The following CADM2 variants were observed in gnomAD, a reference collection of about 807,000 sequenced individuals.
CADM2 encodes the protein immunoglobulin superfamily member 4D.
A neutral mutation model predicts 49.8 loss-of-function variants in CADM2; 12 were observed. The observed-to-expected ratio is 0.24, with a 90% CI of 0.15 to 0.39. The LOEUF (loss-of-function observed/expected upper bound fraction) is 0.39. Ranked by LOEUF, CADM2 falls within the 10% of genes least tolerant of loss-of-function variation. The probability of loss-of-function intolerance (pLI) is 1.00; values close to 1 mark genes in which losing one functional copy is unlikely to be tolerated. For missense variants in CADM2, 378 were observed against 492.3 expected, an observed-to-expected ratio of 0.77 and a Z score of 2.20; for synonymous variants, 214 against 175.4, an observed-to-expected ratio of 1.22 and a Z score of -1.74.
At chr3:85,297,243 T>C (rs1333403632) in intron 1 of CADM2, among the ~76,000 whole-genome samples, 1 of 152,190 alleles carries the variant, frequency 6.6e-6, no homozygotes, top group East Asian at 1.9e-4. Context: ...ACATCTCTAA[T>C]ACCAAAACAG....
chr3:85,501,475 C>G (rs556027260), intron 1 of CADM2, among the ~76,000 whole-genome samples: 1 of 152,170 alleles, frequency 6.6e-6, no homozygotes, highest in South Asian at 2.1e-4. Flanking sequence ...ATCAACACAG[C>G]AGGTACTCAA....
chr3:86,034,551 G>A (rs1734932809), intron 8 of CADM2, among the ~76,000 whole-genome samples: 1 of 151,972 alleles, frequency 6.6e-6, no homozygotes, highest in African/African-American at 2.4e-5. Flanking sequence ...CTATTTATAA[G>A]CCACCAAATT....
chr3:85,345,290 G>A (rs1481239265), intron 1 of CADM2, among the ~76,000 whole-genome samples: 1 of 109,864 alleles, frequency 9.1e-6, no homozygotes, highest in Admixed American at 1.4e-4. Flanking sequence ...CTCCAGCCTG[G>A]GTGACAGAGT....
At chr3:85,134,674 A>G (rs1559681836) in intron 1 of CADM2, among the ~76,000 whole-genome samples, 1 of 152,140 alleles carries the variant, frequency 6.6e-6, no homozygotes, top group African/African-American at 2.4e-5. Flanking sequence ...GTGGTGGTTA[A>G]TCTTCTTCAA....
chr3:85,052,816 C>G (rs554865501), intron 1 of CADM2, among the ~76,000 whole-genome samples: 3 of 151,950 alleles, frequency 2.0e-5, no homozygotes, highest in Non-Finnish European at 2.9e-5. Context: ...ACAGCAATGT[C>G]TTTTATATTA....
chr3:84,983,843 G>C (rs189520093), intron 1 of CADM2, among the ~76,000 whole-genome samples: 2 of 152,060 alleles, frequency 1.3e-5, no homozygotes, highest in East Asian at 3.9e-4. Context: ...CACAAGTGGG[G>C]CTTTAAATAA....
intron 1 of CADM2, among the ~76,000 whole-genome samples, chr3:85,307,729 T>A (rs1456532534): frequency 1.3e-5 from 2 of 151,706 alleles, no homozygotes; most frequent in Non-Finnish European, 3.0e-5. Context: ...TTAATATTAT[T>A]AATTATGCAT....
intron 3 of CADM2, among the ~76,000 whole-genome samples, chr3:85,879,575 C>A (rs1392937878): frequency 3.9e-5 from 6 of 152,090 alleles, no homozygotes; most frequent in African/African-American, 1.4e-4. Context: ...TTTGGGATCA[C>A]CCTCTTGTGT....
At chr3:85,683,119 G>T (rs1263447193) in intron 1 of CADM2, among the ~76,000 whole-genome samples, 1 of 151,944 alleles carries the variant, frequency 6.6e-6, no homozygotes. Context: ...TTTTTACTGT[G>T]AGTGCCACCT....
intron 1 of CADM2, among the ~76,000 whole-genome samples, chr3:85,642,545 G>T (rs543386017): frequency 2.0e-5 from 3 of 152,134 alleles, no homozygotes; most frequent in South Asian, 2.1e-4. Context: ...AATGAGACAA[G>T]AAATTTAGTT....
chr3:85,770,484 A>G (rs575156164), intron 2 of CADM2, among the ~76,000 whole-genome samples: 3 of 151,868 alleles, frequency 2.0e-5, no homozygotes, highest in Non-Finnish European at 1.5e-5. Flanking sequence ...TAGCTGTTTT[A>G]TTATTATTAT....
intron 1 of CADM2, among the ~76,000 whole-genome samples, chr3:85,401,301 G>C (rs1469537601): frequency 6.6e-6 from 1 of 152,102 alleles, no homozygotes; most frequent in Non-Finnish European, 1.5e-5. Context: ...CTTAGTAGAC[G>C]GTCACGGATC....
chr3:85,488,968 C>G (rs1207385840), intron 1 of CADM2, among the ~76,000 whole-genome samples: 1 of 151,996 alleles, frequency 6.6e-6, no homozygotes, highest in Non-Finnish European at 1.5e-5. Context: ...CTATGCATCA[C>G]TACTAAAATT....
intron 1 of CADM2, among the ~76,000 whole-genome samples, chr3:85,320,084 G>T (rs1325255563): frequency 6.6e-6 from 1 of 152,134 alleles, no homozygotes; most frequent in African/African-American, 2.4e-5. Context: ...CTCAGGAAGA[G>T]AACATTTGGC....
intron 1 of CADM2, among the ~76,000 whole-genome samples, chr3:85,675,712 G>T (rs2065870199): frequency 6.6e-6 from 1 of 152,134 alleles, no homozygotes; most frequent in Non-Finnish European, 1.5e-5. Flanking sequence ...TTTAGGACAG[G>T]TTGGGGAAAA....
intron 7 of CADM2, among the ~76,000 whole-genome samples, chr3:85,956,102 G>A (rs1015472898): frequency 6.6e-6 from 1 of 151,614 alleles, no homozygotes; most frequent in Non-Finnish European, 1.5e-5. Context: ...TGGACTAAGT[G>A]TTCTCATGTA....
intron 1 of CADM2, among the ~76,000 whole-genome samples, chr3:85,338,301 T>C (rs934217137): frequency 1.1e-4 from 16 of 151,674 alleles, no homozygotes; most frequent in African/African-American, 3.4e-4. Flanking sequence ...ATGTCAATTT[T>C]CATCTGTTTA....
At chr3:85,925,264 G>T (rs944594767) in intron 6 of CADM2, among the ~76,000 whole-genome samples, 1 of 151,962 alleles carries the variant, frequency 6.6e-6, no homozygotes, top group Non-Finnish European at 1.5e-5. Context: ...ACTATATTCC[G>T]ATGGGTTGCT....
At chr3:85,598,442 A>C (rs1024199067) in intron 1 of CADM2, among the ~76,000 whole-genome samples, 2 of 151,966 alleles carry the variant, frequency 1.3e-5, no homozygotes, top group African/African-American at 2.4e-5. Flanking sequence ...ATTTATTTCT[A>C]TATTTTGTGT....
Sources: allele counts gnomAD v4.1 joint callset (sites outside exome capture counted in the v4.1 genomes callset), GRCh38; gene constraint gnomAD v4.1.1; transcripts MANE v1.5; gene names NCBI Gene and HGNC (gene_info 2026-07-23, HGNC 2026-07-21).